The following ST18 variants were observed in gnomAD, a reference collection of about 807,000 sequenced individuals.
ST18 encodes suppression of tumorigenicity 18 protein.
Under a neutral mutation model 110.0 loss-of-function variants are expected in ST18, and 50 were observed. The observed-to-expected ratio is 0.45, with a 90% CI of 0.36 to 0.58. The LOEUF (loss-of-function observed/expected upper bound fraction) is 0.58. Ranked by LOEUF, ST18 falls within the 20% of genes least tolerant of loss-of-function variation. The pLI, the probability that ST18 is intolerant of heterozygous loss-of-function variation, is 0.00. For missense variants in ST18, 1,306 were observed against 1,280.1 expected (o/e 1.02, Z -0.31); for synonymous variants, 461 against 452.4 (o/e 1.02, Z -0.24).
chr8:52,125,005 T>G (rs2046452180), intron 23 of ST18, among the ~76,000 whole-genome samples: 1 of 152,212 alleles, frequency 6.6e-6, no homozygotes, highest in Non-Finnish European at 1.5e-5. Flanking sequence ...TGCCATCAAA[T>G]AAAGTCTCCA....
At chr8:52,229,812 TG>T (rs1554754114) in intron 3 of ST18, 1 of 152,096 alleles carries the variant, frequency 6.6e-6, no homozygotes. Context: ...ATCAAACATA[TG>T]AAGTCATGAA....
chr8:52,161,229 TG>T, intron 14 of ST18, 145 bp downstream of exon 14: 1 of 713,368 alleles, frequency 1.4e-6, no homozygotes, highest in Non-Finnish European at 2.2e-6. Flanking sequence ...GTTTTCTTTA[TG>T]GTATTTCACT....
At chr8:52,215,564 A>G (rs115402678) in intron 6 of ST18, among the ~76,000 whole-genome samples, 358 of 152,328 alleles carry the variant, frequency 2.4e-3, no homozygotes, top group African/African-American at 7.1e-3. Context: ...CACCACACCA[A>G]TCGTTGAACT....
At chr8:52,193,629 T>G (rs1588146969) in intron 8 of ST18, among the ~76,000 whole-genome samples, 1 of 152,232 alleles carries the variant, frequency 6.6e-6, no homozygotes, top group Non-Finnish European at 1.5e-5. Flanking sequence ...CTAACTGGAC[T>G]GTATTTTTAG....
In ST18 at chr8:52,153,255, C is replaced by T. The variant is rs1009948459; in HGVS notation, c.1807-3278G>A. Among the ~76,000 whole-genome samples, 49 of 152,324 alleles carry T rather than the reference C, an allele frequency of 3.2e-4. 1 individual carries two copies. The highest frequency in any genetic ancestry group is 1.2e-3 in the African/African-American group (48 of 41,572). ...AAACAAGAAAGCACTGTTTTCCTGA[C>T]TTGGCAAGCTGTCTTATGAATACAG... On this transcript the variant is annotated intron_variant, in intron 15 of 25. Transcript: ENST00000689386.
chr8:52,136,682 C>A lies in ST18; in HGVS notation c.2232-24G>T, dbSNP rs1003233337. 4 of 1,573,504 alleles carry A rather than the reference C, an allele frequency of 2.5e-6. No individual in the cohort carries two copies. The South Asian group carries it at 3.5e-5, about 14-fold the overall frequency. Reference sequence around the variant, plus strand: ...CACTAGAGAGGGATGAGGAAAAAAACACAACACAACACTGACATATACAAA... The same window carrying A: ...CACTAGAGAGGGATGAGGAAAAAAAAACAACACAACACTGACATATACAAA... On this transcript the variant is annotated intron_variant, in intron 18 of 25. Transcript: ENST00000689386.
chr8:52,250,500 T>C (rs1199607869), intron 2 of ST18, among the ~76,000 whole-genome samples: 1 of 105,906 alleles, frequency 9.4e-6, no homozygotes, highest in Non-Finnish European at 1.9e-5. Context: ...ACCAAAGCTG[T>C]ATAAACAATG....
At chr8:52,254,763 G>A (rs556719688) in intron 2 of ST18, among the ~76,000 whole-genome samples, 1 of 152,248 alleles carries the variant, frequency 6.6e-6, no homozygotes, top group East Asian at 1.9e-4. Flanking sequence ...AATGGGCTGA[G>A]TTAAAAAGGG....
At chr8:52,184,402 C>T (rs1364019729) in intron 8 of ST18, among the ~76,000 whole-genome samples, 1 of 152,118 alleles carries the variant, frequency 6.6e-6, no homozygotes, top group Non-Finnish European at 1.5e-5. Context: ...TTTAAAAGAT[C>T]TGTATTTTTT....
intron 23 of ST18, among the ~76,000 whole-genome samples, chr8:52,120,590 T>A (rs1254392260): frequency 6.6e-6 from 1 of 151,792 alleles, no homozygotes; most frequent in Non-Finnish European, 1.5e-5. Context: ...GGGAAGGGAG[T>A]GAGTGCCCCA....
chr8:52,137,516 A>G, intron 17 of ST18, 33 bp from the exon 18 acceptor site: 1 of 1,610,906 alleles, frequency 6.2e-7, no homozygotes, highest in Non-Finnish European at 8.5e-7. Context: ...ATTAGAGTCA[A>G]GCGCATTTCC....
intron 2 of ST18, among the ~76,000 whole-genome samples, chr8:52,374,439 C>T (rs572721949): frequency 6.6e-6 from 1 of 152,266 alleles, no homozygotes; most frequent in African/African-American, 2.4e-5. Context: ...GCCCTGCTGG[C>T]ATCTTGATAT....
chr8:52,300,771 G>T (rs549469060), intron 2 of ST18, among the ~76,000 whole-genome samples: 1 of 152,166 alleles, frequency 6.6e-6, no homozygotes, highest in African/African-American at 2.4e-5. Context: ...GAGTTGAATA[G>T]TTCTGATGAT....
intron 8 of ST18, among the ~76,000 whole-genome samples, chr8:52,192,605 G>A (rs915771511): frequency 6.6e-6 from 1 of 152,206 alleles, no homozygotes; most frequent in Non-Finnish European, 1.5e-5. Flanking sequence ...GTCTTCCTGA[G>A]AGGCATCATG....
intron 2 of ST18, among the ~76,000 whole-genome samples, chr8:52,388,812 T>C (rs1387227339): frequency 1.0e-5 from 1 of 99,080 alleles, no homozygotes; most frequent in Non-Finnish European, 1.9e-5. Flanking sequence ...CCGGGGACTG[T>C]TGTGGGGTGG....
intron 15 of ST18, among the ~76,000 whole-genome samples, chr8:52,152,081 A>C (rs1033923454): frequency 1.1e-4 from 17 of 152,238 alleles, no homozygotes; most frequent in Admixed American, 7.8e-4. Context: ...TGTTTAAAAG[A>C]GGCGCTTTCC....
At chr8:52,210,567 A>G (rs2081847708) in intron 8 of ST18, among the ~76,000 whole-genome samples, 1 of 152,172 alleles carries the variant, frequency 6.6e-6, no homozygotes. Flanking sequence ...CTGAGGCAGG[A>G]GGATTTCCTG....
At chr8:52,375,864 C>T (rs887246543) in intron 2 of ST18, among the ~76,000 whole-genome samples, 48 of 152,282 alleles carry the variant, frequency 3.2e-4, no homozygotes, top group African/African-American at 1.1e-3. Flanking sequence ...GCTCCACCCA[C>T]AGCCTTTTCC....
intron 2 of ST18, among the ~76,000 whole-genome samples, chr8:52,332,856 A>T (rs1366859484): frequency 2.6e-5 from 4 of 152,044 alleles, no homozygotes; most frequent in African/African-American, 7.3e-5. Flanking sequence ...GTCAAAAAAC[A>T]AACAAACAAA....
Sources: gnomAD v4.1 joint callset for allele counts (sites outside exome capture counted in the v4.1 genomes callset) on GRCh38, gnomAD v4.1.1 for gene constraint, MANE v1.5 for transcripts, NCBI Gene and HGNC (gene_info 2026-07-23, HGNC 2026-07-21) for gene names.